Variants in MYH11 observed in about 807,000 individuals in gnomAD.
MYH11 encodes the protein myosin heavy chain 11.
MYH11 carries 80 observed loss-of-function variants against 246.6 expected under a neutral mutation model. The ratio of observed to expected loss-of-function variants is 0.32; its 90% CI spans 0.27 to 0.39. The LOEUF (loss-of-function observed/expected upper bound fraction) is 0.39. Ranked by LOEUF, MYH11 falls within the 10% of genes least tolerant of loss-of-function variation. The probability of loss-of-function intolerance (pLI) is 1.00; values close to 1 mark genes in which losing one functional copy is unlikely to be tolerated. For missense variants in MYH11, 2,158 were observed against 2,546.8 expected (o/e 0.85, Z 3.29); for synonymous variants, 1,071 against 1,015.5 (o/e 1.05, Z -1.04).
In MYH11 at chr16:15,846,098, C is replaced by CA. The variant is rs996720834; in HGVS notation, c.-17-7830dup. 1.2e-4 allele frequency among the ~76,000 whole-genome samples: 18 copies of CA among 150,624 alleles called. 1 individual carries two copies. Among genetic ancestry groups the CA allele is most frequent in the South Asian group, 4.2e-4 (2 of 4,742 alleles). On this transcript the variant is annotated intron_variant, in intron 1 of 40. Coordinates refer to ENST00000300036, the MANE Select transcript of MYH11 (RefSeq NM_002474.3). ...TTGGCGACAGAGTCAGCCTCCATCT[C>CA]AAAAAAAAAGAAGTGTCAGAGCTGG...
intron 2 of MYH11, among the ~76,000 whole-genome samples, chr16:15,833,265 C>T (rs1225956667): frequency 6.6e-6 from 1 of 150,816 alleles, no homozygotes; most frequent in Non-Finnish European, 1.5e-5. Context: ...CCACTGTACT[C>T]CAGCCTGGGC....
intron 26 of MYH11, chr16:15,733,073 T>C: frequency 2.9e-6 from 1 of 341,314 alleles, no homozygotes; most frequent in South Asian, 3.0e-5. Context: ...ATACATCATC[T>C]AATCCTCAGA....
intron 2 of MYH11, among the ~76,000 whole-genome samples, chr16:15,828,790 A>C (rs1468128910): frequency 1.4e-5 from 2 of 142,478 alleles, no homozygotes; most frequent in Non-Finnish European, 3.0e-5. Flanking sequence ...GAGACTCTAA[A>C]AAAAAAAAAA....
chr16:15,841,205 C>A (rs2044043094), intron 1 of MYH11, among the ~76,000 whole-genome samples: 1 of 152,200 alleles, frequency 6.6e-6, no homozygotes, highest in Non-Finnish European at 1.5e-5. Context: ...GTGGTGCAAT[C>A]TTGGCTCACT....
At chr16:15,808,079 A>G (rs542002385) in intron 3 of MYH11, among the ~76,000 whole-genome samples, 25 of 152,270 alleles carry the variant, frequency 1.6e-4, no homozygotes, top group Admixed American at 1.4e-3. Flanking sequence ...AGGGCCATCA[A>G]TACCCCTGGG....
At chr16:15,778,703 G>T (rs2042279234) in intron 7 of MYH11, 77 bp downstream of exon 7, 3 of 1,397,294 alleles carry the variant, frequency 2.1e-6, no homozygotes, top group South Asian at 2.3e-5. Context: ...GGTGGCTCTT[G>T]GACTCTCCCA....
At chr16:15,793,408 CCA>C (rs1270822630) in intron 4 of MYH11, among the ~76,000 whole-genome samples, 3 of 151,588 alleles carry the variant, frequency 2.0e-5, no homozygotes, top group Admixed American at 2.0e-4. Flanking sequence ...TCCTCCCTCC[CCA>C]ACCTCCTGAG....
At chr16:15,832,686 T>A (rs996316743) in intron 2 of MYH11, among the ~76,000 whole-genome samples, 11 of 152,206 alleles carry the variant, frequency 7.2e-5, no homozygotes. Flanking sequence ...CAAGGAATCA[T>A]AATAAAAGGT....
At chr16:15,790,462 A>G (rs2042582762) in intron 4 of MYH11, among the ~76,000 whole-genome samples, 1 of 152,134 alleles carries the variant, frequency 6.6e-6, no homozygotes, top group Non-Finnish European at 1.5e-5. Flanking sequence ...GCTGGGCTCC[A>G]CTGTTTCCAA....
intron 2 of MYH11, among the ~76,000 whole-genome samples, chr16:15,837,589 G>A (rs562198395): frequency 6.8e-6 from 1 of 146,974 alleles, no homozygotes; most frequent in Non-Finnish European, 1.5e-5. Context: ...AGGCTGGAGT[G>A]CAGTGGTACA....
At chr16:15,755,118 G>A (rs1039364279) in intron 14 of MYH11, among the ~76,000 whole-genome samples, 2 of 152,206 alleles carry the variant, frequency 1.3e-5, no homozygotes, top group African/African-American at 2.4e-5. Context: ...GGGCCAGATC[G>A]GACTCTGTTG....
intron 30 of MYH11, 54 bp downstream of exon 30, chr16:15,724,593 A>G (rs1217194917): frequency 2.5e-6 from 4 of 1,611,808 alleles, no homozygotes; most frequent in Middle Eastern, 2.0e-4. Context: ...GGGGGATCTC[A>G]GCGCAGAGAA....
intron 38 of MYH11, 113 bp from the exon 39 acceptor site, chr16:15,715,385 CCT>C (rs2040070483): frequency 1.1e-6 from 1 of 914,142 alleles, no homozygotes; most frequent in East Asian, 2.4e-5. Flanking sequence ...TATCTGGACT[CCT>C]CTCAAGAATC....
At chr16:15,721,726 A>T in intron 31 of MYH11, 92 bp from the exon 32 acceptor site, 1 of 1,360,834 alleles carries the variant, frequency 7.3e-7, no homozygotes, top group Non-Finnish European at 1.0e-6. Context: ...TGTCCTGCTG[A>T]ATGTATTGAG....
chr16:15,740,217 C>T (rs534160036), intron 22 of MYH11, 29 bp from the exon 23 acceptor site: 18 of 1,613,892 alleles, frequency 1.1e-5, no homozygotes, highest in Non-Finnish European at 1.5e-5. Context: ...AGAGTAACAG[C>T]TTTGGTTATA....
At chr16:15,814,915 T>C (rs972442595) in intron 3 of MYH11, among the ~76,000 whole-genome samples, 1 of 115,948 alleles carries the variant, frequency 8.6e-6, no homozygotes, top group Non-Finnish European at 2.0e-5. Context: ...AAGGAAGGTA[T>C]AATGTACAAA....
chr16:15,724,629 AGGACAC>A lies in MYH11; in HGVS notation c.4116+12_4116+17del. 2 of 1,613,712 alleles carry A rather than the reference AGGACAC, an allele frequency of 1.2e-6. No individual in the cohort carries two copies. The highest frequency in any genetic ancestry group is 2.2e-5 in the South Asian group (2 of 91,056). On this transcript the variant is annotated intron_variant, in intron 30 of 40. Coordinates refer to ENST00000300036, the MANE Select transcript of MYH11 (RefSeq NM_002474.3). ...GTTGAGAGGACCCATGAAGGAAGCA[AGGACAC>A]GGGGCAGGCACCTGGATGTTGAGAG...
In MYH11 at chr16:15,719,284, G is replaced by A. The variant is rs201108170; in HGVS notation, c.5107C>T (p.Arg1703Cys). ...TCCTTCTCGAGGTCCGCTTGTTTGC[G>A]AGCCCTCTCAGCGGCGGCGAGGTCC... ...QEDLAAAERARKQADLEKEEL... is the reference protein window; with the variant it reads ...QEDLAAAERACKQADLEKEEL... The change falls in exon 36 of 41, where the codon CGC (arginine) becomes TGC (cysteine). Residue 1703 changes from arginine to cysteine, a missense_variant. This residue lies in a region of MYH11 where 1,013 missense variants were observed against 993.5 expected (regional missense o/e 1.02). Coordinates refer to ENST00000300036, the MANE Select transcript of MYH11 (RefSeq NM_002474.3). 33 of 1,612,536 alleles carry A rather than the reference G, an allele frequency of 2.0e-5. No individual in the cohort carries two copies. In the African/African-American group the frequency reaches 4.0e-4, roughly 20 times the overall value.
intron 3 of MYH11, among the ~76,000 whole-genome samples, chr16:15,810,098 A>G (rs181485620): frequency 6.6e-6 from 1 of 151,830 alleles, no homozygotes; most frequent in East Asian, 2.0e-4. Context: ...CAGTGGGGCA[A>G]TCTCGGCTCA....
Sources: allele counts gnomAD v4.1 joint callset (sites outside exome capture counted in the v4.1 genomes callset), GRCh38; gene constraint gnomAD v4.1.1; regional missense constraint gnomAD v4.1.1; transcripts MANE v1.5; gene names NCBI Gene and HGNC (gene_info 2026-07-23, HGNC 2026-07-21).